Variants in FRY observed in about 807,000 individuals in gnomAD.
The protein encoded by FRY is FRY microtubule binding protein, also known as protein furry homolog.
In FRY, 128 loss-of-function variants were observed where a neutral mutation model predicts 348.4. That is an observed-to-expected ratio of 0.37 (90% CI 0.32 to 0.43). FRY has a LOEUF of 0.43. FRY is among the 20% of genes least tolerant of loss of function. FRY has a pLI of 1.00. For synonymous variants in FRY, 1,370 were observed against 1,374.7 expected (o/e 1.00, Z 0.08); for missense variants, 2,736 against 3,695.2 (o/e 0.74, Z 6.73).
chr13:32,231,593 C>CTA (rs1885918101), intron 41 of FRY, among the ~76,000 whole-genome samples: 2 of 152,172 alleles, frequency 1.3e-5, no homozygotes, highest in Admixed American at 1.3e-4. Flanking sequence ...TTAAAGAAGG[C>CTA]TATGAGGAAT....
chr13:32,113,084 C>T lies in FRY; in HGVS notation c.325-4250C>T, dbSNP rs368544021. On this transcript the variant is annotated intron_variant, in intron 3 of 60. Coordinates refer to ENST00000542859, the MANE Select transcript of FRY (RefSeq NM_023037.3). ...TATGAAACTATTCTTAAATCTTTGT[C>T]GTTACTCATCAAATACTATAATCTA... 3.9e-5 allele frequency among the ~76,000 whole-genome samples: 6 copies of T among 152,156 alleles called. 1 individual carries two copies. In the South Asian group the frequency reaches 8.3e-4, roughly 21 times the overall value.
chr13:32,084,952 T>A (rs1442647588), intron 2 of FRY, among the ~76,000 whole-genome samples: 4 of 152,136 alleles, frequency 2.6e-5, no homozygotes, highest in Admixed American at 2.6e-4. Context: ...TGTTTGCGTA[T>A]CATGGACAGT....
chr13:32,134,883 T>C (rs547313245), intron 8 of FRY, 21 bp from the exon 9 acceptor site: 3 of 1,464,960 alleles, frequency 2.0e-6, no homozygotes, highest in African/African-American at 1.4e-5. Flanking sequence ...TCCCTCCCTA[T>C]ACTCTTTTTC....
chr13:32,062,115 G>A (rs1344099081), intron 1 of FRY, among the ~76,000 whole-genome samples: 1 of 151,774 alleles, frequency 6.6e-6, no homozygotes, highest in Non-Finnish European at 1.5e-5. Context: ...AAAAAATCCT[G>A]TTAGTCATTA....
At chr13:32,120,036 A>G (rs1240863359) in intron 4 of FRY, among the ~76,000 whole-genome samples, 1 of 152,202 alleles carries the variant, frequency 6.6e-6, no homozygotes, top group Admixed American at 6.5e-5. Context: ...GACTAAAGAG[A>G]AAAACATTCC....
intron 28 of FRY, among the ~76,000 whole-genome samples, chr13:32,192,330 G>T (rs1302436576): frequency 6.6e-6 from 1 of 151,942 alleles, no homozygotes; most frequent in Non-Finnish European, 1.5e-5. Context: ...ACGGAGTCTC[G>T]CTCTGTCCCC....
chr13:32,147,653 T>C (rs1239963429), intron 12 of FRY, among the ~76,000 whole-genome samples, 186 bp from the exon 13 acceptor site: 1 of 152,230 alleles, frequency 6.6e-6, no homozygotes, highest in African/African-American at 2.4e-5. Context: ...ATTTTCCAAC[T>C]GCTCTTAGTT....
chr13:32,221,474 G>A (rs1159860717), intron 36 of FRY, among the ~76,000 whole-genome samples: 1 of 152,142 alleles, frequency 6.6e-6, no homozygotes, highest in Non-Finnish European at 1.5e-5. Context: ...AGCATGATAA[G>A]AAATAAACAT....
intron 35 of FRY, among the ~76,000 whole-genome samples, chr13:32,215,179 A>G (rs1204222091): frequency 6.6e-6 from 1 of 152,228 alleles, no homozygotes; most frequent in African/African-American, 2.4e-5. Context: ...AGAAAAGAAA[A>G]ATAAAGCAAA....
chr13:32,096,440 G>GGT (rs1555252439), intron 2 of FRY, among the ~76,000 whole-genome samples: 4 of 151,732 alleles, frequency 2.6e-5, no homozygotes, highest in Non-Finnish European at 5.9e-5. Context: ...AAAACTGCGG[G>GGT]GGGGGGCTTC....
At chr13:32,041,448 C>T (rs1872741743) in intron 1 of FRY, among the ~76,000 whole-genome samples, 1 of 152,030 alleles carries the variant, frequency 6.6e-6, no homozygotes, top group Admixed American at 6.6e-5. Context: ...TGCCCGCCAC[C>T]ATGCCCTGCT....
chr13:32,171,180 G>A lies in FRY; in HGVS notation c.2061G>A (p.Lys687=). 1 of 1,613,720 alleles carries A rather than the reference G, an allele frequency of 6.2e-7. No homozygotes were observed. Among genetic ancestry groups the A allele is most frequent in the African/African-American group, 1.3e-5 (1 of 74,966 alleles). ...MHHTLLDSSL[K]LLLQLLTQWK... is the part of the protein sequence containing the mutation. ...ACACACTCCTTGATTCGTCCCTGAA[G>A]TTGCTGCTGCAGCTGCTCACCCAGT... is the stretch of plus-strand genomic sequence containing the variant. Residue 687 remains lysine, a synonymous_variant, in exon 18 of 61, where the codon AAG becomes AAA. Coordinates refer to ENST00000542859, the MANE Select transcript of FRY (RefSeq NM_023037.3).
intron 4 of FRY, among the ~76,000 whole-genome samples, chr13:32,123,313 C>G (rs935461043): frequency 6.6e-6 from 1 of 152,302 alleles, no homozygotes; most frequent in Non-Finnish European, 1.5e-5. Flanking sequence ...ATAGTCACCA[C>G]AACCACGTGC....
intron 58 of FRY, chr13:32,287,782 A>G: frequency 1.7e-6 from 1 of 587,370 alleles, no homozygotes. Context: ...CTCTTGGAAA[A>G]GGGCCGTGCT....
chr13:32,256,138 A>C, intron 51 of FRY, among the ~76,000 whole-genome samples: 1 of 152,184 alleles, frequency 6.6e-6, no homozygotes, highest in East Asian at 1.9e-4. Flanking sequence ...AGGGACAAGA[A>C]ATAAGGAATA....
At chr13:32,179,586 T>A in intron 22 of FRY, 89 bp from the exon 23 acceptor site, 1 of 1,369,162 alleles carries the variant, frequency 7.3e-7, no homozygotes, top group Middle Eastern at 1.8e-4. Flanking sequence ...TTCAGTACTT[T>A]GAAACTGTTA....
intron 15 of FRY, among the ~76,000 whole-genome samples, chr13:32,156,915 T>G (rs1191803537): frequency 1.3e-5 from 2 of 152,228 alleles, no homozygotes; most frequent in Admixed American, 1.3e-4. Flanking sequence ...GAATTATTCT[T>G]TATTTACATA....
chr13:32,163,485 G>A (rs1018872510), intron 17 of FRY, among the ~76,000 whole-genome samples: 5 of 152,214 alleles, frequency 3.3e-5, no homozygotes, highest in African/African-American at 1.2e-4. Flanking sequence ...AGGGCTAGAT[G>A]ACAAGACATG....
At chr13:32,198,932 T>G (rs764823250) in intron 29 of FRY, among the ~76,000 whole-genome samples, 2 of 152,206 alleles carry the variant, frequency 1.3e-5, no homozygotes, top group Non-Finnish European at 2.9e-5. Context: ...TCTCTATGAA[T>G]TTTTTCTAAA....
Sources: gnomAD v4.1 joint callset for allele counts (sites outside exome capture counted in the v4.1 genomes callset) on GRCh38, gnomAD v4.1.1 for gene constraint, MANE v1.5 for transcripts, NCBI Gene and HGNC (gene_info 2026-07-23, HGNC 2026-07-21) for gene names.